Variants in KMT5A observed in about 807,000 individuals in gnomAD.
The protein encoded by KMT5A is lysine methyltransferase 5A.
A neutral mutation model predicts 40.6 loss-of-function variants in KMT5A; 6 were observed. The observed-to-expected ratio is 0.15, with a 90% CI of 0.08 to 0.29. The LOEUF is 0.29. Among genes scored for constraint, KMT5A ranks in the 10% least tolerant of loss-of-function variants. The pLI is 1.00. For missense variants in KMT5A, 308 were observed against 459.1 expected, an observed-to-expected ratio of 0.67 and a Z score of 3.01; for synonymous variants, 153 against 178.8, an observed-to-expected ratio of 0.86 and a Z score of 1.15.
In KMT5A at chr12:123,409,001, C is replaced by T. The variant is rs1878808340; in HGVS notation, c.*1298C>T. ...AACTGATTCTCACACACTGTCCCTTCAGTCCAGGGGGCCGGGGCTCAGGAG... is the reference window on the plus strand; with the variant it reads ...AACTGATTCTCACACACTGTCCCTTTAGTCCAGGGGGCCGGGGCTCAGGAG... On this transcript the variant is annotated 3_prime_UTR_variant, in exon 8 of 8. Coordinates refer to ENST00000402868, the MANE Select transcript of KMT5A (RefSeq NM_020382.7). 6.5e-6 allele frequency: 1 copy of T among 152,678 alleles called. No individual in the cohort carries two copies. The highest frequency in any genetic ancestry group is 2.4e-5 in the African/African-American group (1 of 41,468). 9.5% of individuals were successfully genotyped at this position (152,678 alleles called of 1,614,324 possible).
At chr12:123,392,506 CAAAA>C (rs35877701) in intron 3 of KMT5A, among the ~76,000 whole-genome samples, 4 of 151,366 alleles carry the variant, frequency 2.6e-5, no homozygotes, top group African/African-American at 9.7e-5. Context: ...ACAATGAAAA[CAAAA>C]AAAATTAGCC....
intron 5 of KMT5A, among the ~76,000 whole-genome samples, chr12:123,400,689 A>G (rs890369164): frequency 5.3e-5 from 8 of 152,134 alleles, no homozygotes; most frequent in African/African-American, 1.9e-4. Flanking sequence ...AAAGTTGCAA[A>G]GATAATACAG....
chr12:123,390,241 G>T, intron 2 of KMT5A: 1 of 435,602 alleles, frequency 2.3e-6, no homozygotes, highest in East Asian at 7.0e-5. Context: ...TCCCCGGGGC[G>T]TGTTTCTGTG....
At chr12:123,387,841 A>G (rs1021231204) in intron 1 of KMT5A, among the ~76,000 whole-genome samples, 1 of 152,232 alleles carries the variant, frequency 6.6e-6, no homozygotes, top group Non-Finnish European at 1.5e-5. Flanking sequence ...TTTACCCATG[A>G]GGACACTGAG....
intron 2 of KMT5A, among the ~76,000 whole-genome samples, chr12:123,390,358 C>G (rs1312535339): frequency 6.6e-6 from 1 of 152,160 alleles, no homozygotes; most frequent in African/African-American, 2.4e-5. Flanking sequence ...CTGTCTTCTT[C>G]CTATATAGAC....
intron 1 of KMT5A, among the ~76,000 whole-genome samples, chr12:123,387,664 AG>A (rs1876955404): frequency 6.6e-6 from 1 of 152,174 alleles, no homozygotes; most frequent in Non-Finnish European, 1.5e-5. Flanking sequence ...CTGATTTGGG[AG>A]GGATTGTCTG....
chr12:123,406,097 G>T (rs1038890889), intron 7 of KMT5A, among the ~76,000 whole-genome samples: 1 of 152,070 alleles, frequency 6.6e-6, no homozygotes, highest in Non-Finnish European at 1.5e-5. Flanking sequence ...GGGATTACAG[G>T]CATGAGCCAC....
intron 7 of KMT5A, among the ~76,000 whole-genome samples, chr12:123,405,300 C>G (rs933541253): frequency 1.3e-5 from 2 of 150,878 alleles, no homozygotes; most frequent in African/African-American, 4.9e-5. Context: ...AAAGAATTCT[C>G]CTCCCTCAGC....
chr12:123,397,048 G>A (rs973317516), intron 5 of KMT5A, among the ~76,000 whole-genome samples: 11 of 152,180 alleles, frequency 7.2e-5, no homozygotes, highest in African/African-American at 1.9e-4. Flanking sequence ...TGTTACTATC[G>A]CCACCTCTGC....
chr12:123,390,854 A>G, intron 3 of KMT5A, 68 bp downstream of exon 3: 1 of 1,539,668 alleles, frequency 6.5e-7, no homozygotes, highest in Non-Finnish European at 8.9e-7. Flanking sequence ...GTCCTCTGCA[A>G]GAATGCACAT....
rs534823693 is a variant in KMT5A, at chr12:123,401,297, C to T, written c.598-2276C>T. ...CCGAGTAGCTGGGACTACAGGTGCC[C>T]ACCACCATGCCCGGCTAATTTTTTG... On this transcript the variant is annotated intron_variant, in intron 5 of 7. Coordinates refer to ENST00000402868, the MANE Select transcript of KMT5A (RefSeq NM_020382.7). Among the ~76,000 whole-genome samples the T allele has an allele frequency of 3.0e-3, 452 of 150,526 alleles. 3 individuals carry two copies. Among genetic ancestry groups the T allele is most frequent in the Middle Eastern group, 0.01 (3 of 286 alleles).
At chr12:123,401,369 C>A (rs1001603856) in intron 5 of KMT5A, among the ~76,000 whole-genome samples, 4 of 150,532 alleles carry the variant, frequency 2.7e-5, no homozygotes, top group African/African-American at 9.8e-5. Context: ...AGGATGGTCT[C>A]GATCTCCTGA....
chr12:123,384,627 A>T lies in KMT5A; in HGVS notation c.10+419A>T, dbSNP rs1876755806. Among the ~76,000 whole-genome samples the T allele has an allele frequency of 6.6e-6, 1 of 152,228 alleles. No individual in the cohort carries two copies. Among genetic ancestry groups the T allele is most frequent in the Admixed American group, 6.5e-5 (1 of 15,284 alleles). On this transcript the variant is annotated intron_variant, in intron 1 of 7. Transcript: ENST00000402868. This position sits in a 1 kb window ranked among gnomAD's most constrained non-coding sequence, Gnocchi z 5.7. ...TGGGAAAGGAGGTGATCCCGAGGCG[A>T]AGGCGCAGATCGATAACCTGCATAT...
chr12:123,406,955 G>T (rs1004574079), intron 7 of KMT5A, among the ~76,000 whole-genome samples: 1 of 149,306 alleles, frequency 6.7e-6, no homozygotes, highest in Admixed American at 6.8e-5. Context: ...GGCAGAGGTT[G>T]CAGTGAGCTG....
At position 123,395,198 on chromosome 12, in the gene KMT5A, C is replaced by T. The variant is rs779311664; in HGVS notation, c.441C>T (p.Ser147=). 5.6e-6 allele frequency: 9 copies of T among 1,613,390 alleles called. No homozygotes were observed. In the African/African-American group the frequency reaches 1.1e-4, roughly 19 times the overall value. Reference sequence around the variant, plus strand: ...AAACTCCACCCTCATCTTGTGATTCCACCAATGCAGCCATCGCCAAGCAAG... The same window carrying T: ...AAACTCCACCCTCATCTTGTGATTCTACCAATGCAGCCATCGCCAAGCAAG... ...PPKTPPSSCD[S]TNAAIAKQAL... is the part of the protein sequence containing the mutation. Residue 147 remains serine, a synonymous_variant, in exon 4 of 8, where the codon TCC becomes TCT. Coordinates refer to ENST00000402868, the MANE Select transcript of KMT5A (RefSeq NM_020382.7).
At chr12:123,406,454 A>C (rs980158159) in intron 7 of KMT5A, among the ~76,000 whole-genome samples, 1 of 152,184 alleles carries the variant, frequency 6.6e-6, no homozygotes, top group East Asian at 1.9e-4. Flanking sequence ...AACTGGGATT[A>C]CAGGCATGCG....
chr12:123,407,157 GGGA>G (rs1878617190), intron 7 of KMT5A, among the ~76,000 whole-genome samples: 1 of 151,764 alleles, frequency 6.6e-6, no homozygotes, highest in Admixed American at 6.6e-5. Flanking sequence ...GAGCAATATA[GGGA>G]GATCTTGTCT....
intron 7 of KMT5A, 96 bp downstream of exon 7, chr12:123,405,170 CT>C: frequency 8.0e-7 from 1 of 1,257,454 alleles, no homozygotes; most frequent in Non-Finnish European, 1.1e-6. Context: ...GGTGGCCAGT[CT>C]TTTGGTTTTG....
In KMT5A at chr12:123,384,686, C is replaced by T. The variant is rs892915894; in HGVS notation, c.10+478C>T. Reference sequence around the variant, plus strand: ...GCGTCAGGGTGGACACCGCAGCAGGCGCCTTTCCTCCCTCCCCACGTCCTG... The same window carrying T: ...GCGTCAGGGTGGACACCGCAGCAGGTGCCTTTCCTCCCTCCCCACGTCCTG... On this transcript the variant is annotated intron_variant, in intron 1 of 7. Coordinates refer to ENST00000402868, the MANE Select transcript of KMT5A (RefSeq NM_020382.7). This position sits in a 1 kb window ranked among gnomAD's most constrained non-coding sequence, Gnocchi z 5.7. 6.6e-6 allele frequency among the ~76,000 whole-genome samples: 1 copy of T among 152,250 alleles called. No homozygotes were observed. The highest frequency in any genetic ancestry group is 6.5e-5 in the Admixed American group (1 of 15,288).
Sources: allele counts gnomAD v4.1 joint callset (sites outside exome capture counted in the v4.1 genomes callset), GRCh38; gene constraint gnomAD v4.1.1; non-coding constraint Gnocchi (gnomAD v3.1); transcripts MANE v1.5; gene names NCBI Gene and HGNC (gene_info 2026-07-23, HGNC 2026-07-21).